Variants in LRRTM3 observed in about 807,000 individuals in gnomAD.
LRRTM3 encodes the protein leucine-rich repeat transmembrane neuronal protein 3.
Under a neutral mutation model 44.7 loss-of-function variants are expected in LRRTM3, and 24 were observed. The ratio of observed to expected loss-of-function variants is 0.54; its 90% CI spans 0.39 to 0.76. The LOEUF (loss-of-function observed/expected upper bound fraction) is 0.76, where lower values mean the gene tolerates loss of function less well. LRRTM3 is among the 30% of genes least tolerant of loss of function. The pLI is 0.00. For synonymous variants in LRRTM3, 277 were observed against 278.7 expected (o/e 0.99, Z 0.06); for missense variants, 587 against 702.2 (o/e 0.84, Z 1.85).
chr10:67,063,584 A>C (rs941387698), intron 2 of LRRTM3, among the ~76,000 whole-genome samples: 1 of 152,174 alleles, frequency 6.6e-6, no homozygotes, highest in Non-Finnish European at 1.5e-5. Context: ...AAAGGTTGGG[A>C]CCAGTGAATA....
intron 2 of LRRTM3, among the ~76,000 whole-genome samples, chr10:67,058,662 A>G (rs756654950): frequency 5.9e-5 from 9 of 152,140 alleles, no homozygotes; most frequent in Non-Finnish European, 1.3e-4. Context: ...TTTAGGGAAC[A>G]TGCTGATGTA....
At chr10:66,932,846 T>C (rs554864394) in intron 2 of LRRTM3, among the ~76,000 whole-genome samples, 103 of 152,282 alleles carry the variant, frequency 6.8e-4, no homozygotes, top group Non-Finnish European at 1.2e-3. Context: ...TAACAATAAT[T>C]TATGATTCTT....
At chr10:67,021,336 A>C (rs1332941357) in intron 2 of LRRTM3, among the ~76,000 whole-genome samples, 1 of 152,158 alleles carries the variant, frequency 6.6e-6, no homozygotes, top group Non-Finnish European at 1.5e-5. Context: ...AAATGTAAGA[A>C]GCACTTGTAT....
intron 2 of LRRTM3, among the ~76,000 whole-genome samples, chr10:67,080,604 T>C (rs972163624): frequency 6.6e-6 from 1 of 152,134 alleles, no homozygotes; most frequent in South Asian, 2.1e-4. Flanking sequence ...ATCTTATAGA[T>C]GTGCATAGAA....
chr10:66,961,203 G>C lies in LRRTM3; in HGVS notation c.1536+32751G>C, dbSNP rs1473141123. On this transcript the variant is annotated intron_variant, in intron 2 of 2. Coordinates refer to ENST00000361320, the MANE Select transcript of LRRTM3 (RefSeq NM_178011.5). ...AGCTATAATACCTGTAGTCTATTAT[G>C]ACAATATTGGTGATTTCTATTGTTT... 3.9e-5 allele frequency among the ~76,000 whole-genome samples: 6 copies of C among 152,056 alleles called. No homozygotes were observed. In the East Asian group the frequency reaches 1.2e-3, roughly 29 times the overall value.
intron 2 of LRRTM3, among the ~76,000 whole-genome samples, chr10:66,992,964 G>A (rs1851121922): frequency 6.6e-6 from 1 of 151,980 alleles, no homozygotes. Flanking sequence ...AAGTTTTTTG[G>A]ATTGGTGTTT....
chr10:67,083,642 T>A (rs1461410412), intron 2 of LRRTM3, among the ~76,000 whole-genome samples: 1 of 152,194 alleles, frequency 6.6e-6, no homozygotes, highest in East Asian at 1.9e-4. Context: ...AATAAGAACT[T>A]GTGCATGTAT....
At chr10:66,998,400 A>T (rs972110111) in intron 2 of LRRTM3, among the ~76,000 whole-genome samples, 1 of 152,210 alleles carries the variant, frequency 6.6e-6, no homozygotes, top group Non-Finnish European at 1.5e-5. Flanking sequence ...AATAAAATGT[A>T]GACATAAATC....
chr10:67,040,107 T>A lies in LRRTM3; in HGVS notation c.1537-57480T>A, dbSNP rs146431235. Among the ~76,000 whole-genome samples, 31 of 152,232 alleles carry A rather than the reference T, an allele frequency of 2.0e-4. No individual in the cohort carries two copies. The East Asian group carries it at 6.0e-3, about 29-fold the overall frequency. On this transcript the variant is annotated intron_variant, in intron 2 of 2. Transcript: ENST00000361320. ...AGTACAGCAATCATTCTAGCAGTAT[T>A]TGCTATGACAACATCATTCAGCCCC... is the stretch of plus-strand genomic sequence containing the variant.
At chr10:67,037,846 T>A (rs1854158921) in intron 2 of LRRTM3, among the ~76,000 whole-genome samples, 1 of 152,114 alleles carries the variant, frequency 6.6e-6, no homozygotes. Context: ...TGGTAAATTA[T>A]GATTAGCTGA....
Position 66,927,022 on chromosome 10 carries a change from A to G in LRRTM3, c.106A>G (p.Lys36Glu). The G allele has an allele frequency of 6.2e-7, 1 of 1,614,142 alleles. No individual in the cohort carries two copies. Among genetic ancestry groups the G allele is most frequent in the Non-Finnish European group, 8.5e-7 (1 of 1,180,016 alleles). The change falls in exon 2 of 3, where the codon AAG (lysine) becomes GAG (glutamate). Residue 36 changes from lysine (K) to glutamate (E), a missense_variant. By Grantham distance (56) the Lys-to-Glu change is moderately conservative. Transcript: ENST00000361320. The surrounding 1 kb of genome is among the most constrained non-coding windows in gnomAD (Gnocchi z 4.7). ...TTCTTCTGCCGAACGAGGATGCCCT[A>G]AGGGCTGTAGGTGTGAAGGCAAAAT... ...MLSSAERGCPKGCRCEGKMVY... is the reference protein window; with the variant it reads ...MLSSAERGCPEGCRCEGKMVY...
At chr10:67,042,819 C>T (rs1055711274) in intron 2 of LRRTM3, among the ~76,000 whole-genome samples, 8 of 151,992 alleles carry the variant, frequency 5.3e-5, no homozygotes, top group East Asian at 1.9e-4. Context: ...AGATAGTCAA[C>T]GAGAGTTAAT....
chr10:67,006,789 A>T (rs1187145083), intron 2 of LRRTM3, among the ~76,000 whole-genome samples: 1 of 130,746 alleles, frequency 7.6e-6, no homozygotes, highest in Admixed American at 7.9e-5. Flanking sequence ...TCAAAATTAC[A>T]GTCTTAAATT....
Position 66,926,374 on chromosome 10 carries a change from C to CGGTGTTG in LRRTM3, c.-207_-201dup, listed in dbSNP as rs1847074565. On this transcript the variant is annotated 5_prime_UTR_variant, in exon 1 of 3. An upstream open reading frame in the 5' UTR gains an earlier in-frame stop. Coordinates refer to ENST00000361320, the MANE Select transcript of LRRTM3 (RefSeq NM_178011.5). ...AGATTTTGATGTTTTGCTGCGAATG[C>CGGTGTTG]GGTGTTGGGATTTATTTGTTCTTGG... is the stretch of plus-strand genomic sequence containing the variant. The CGGTGTTG allele has an allele frequency of 1.6e-6, 1 of 632,736 alleles. No homozygotes were observed. Among genetic ancestry groups the CGGTGTTG allele is most frequent in the South Asian group, 1.8e-5 (1 of 54,084 alleles). 39.2% of individuals were successfully genotyped at this position (632,736 alleles called of 1,614,324 possible). A position where few individuals can be genotyped will look rare whatever the true frequency, so the allele number is the denominator to read the frequency against.
intron 2 of LRRTM3, among the ~76,000 whole-genome samples, chr10:66,986,127 G>A (rs899380519): frequency 1.3e-5 from 2 of 152,100 alleles, no homozygotes; most frequent in Non-Finnish European, 2.9e-5. Context: ...AGATTTGCCT[G>A]TCTGGTTAAT....
chr10:66,983,397 T>G (rs1189934645), intron 2 of LRRTM3, among the ~76,000 whole-genome samples: 1 of 152,110 alleles, frequency 6.6e-6, no homozygotes, highest in Non-Finnish European at 1.5e-5. Flanking sequence ...TAGGCACTAG[T>G]GAGTTTTGTA....
At chr10:67,016,781 T>G (rs73326959) in intron 2 of LRRTM3, among the ~76,000 whole-genome samples, 1,580 of 152,318 alleles carry the variant, frequency 0.01, 26 homozygotes, top group African/African-American at 0.035. Context: ...CTTGCTTTCT[T>G]GGAGATGACA....
At chr10:67,057,812 T>C (rs1855529719) in intron 2 of LRRTM3, among the ~76,000 whole-genome samples, 1 of 152,156 alleles carries the variant, frequency 6.6e-6, no homozygotes, top group Non-Finnish European at 1.5e-5. Flanking sequence ...TCTCAGTCTC[T>C]TTTGCCATCC....
At chr10:67,069,765 C>G (rs578175709) in intron 2 of LRRTM3, among the ~76,000 whole-genome samples, 2 of 152,236 alleles carry the variant, frequency 1.3e-5, no homozygotes, top group Admixed American at 1.3e-4. Flanking sequence ...TATTCATTCA[C>G]TCTCACAACT....
Sources: allele counts gnomAD v4.1 joint callset (sites outside exome capture counted in the v4.1 genomes callset), GRCh38; gene constraint gnomAD v4.1.1; non-coding constraint Gnocchi (gnomAD v3.1); transcripts MANE v1.5; gene names NCBI Gene and HGNC (gene_info 2026-07-23, HGNC 2026-07-21).